Variants in GALNT1 observed in about 807,000 individuals in gnomAD.
GALNT1 encodes GalNAc transferase 1.
GALNT1 carries 17 observed loss-of-function variants against 65.7 expected under a neutral mutation model. That is an observed-to-expected ratio of 0.26 (90% CI 0.18 to 0.39). The LOEUF is 0.39. Ranked by LOEUF, GALNT1 falls within the 10% of genes least tolerant of loss-of-function variation. GALNT1 has a pLI of 1.00. For missense variants in GALNT1, 460 were observed against 672.8 expected, an observed-to-expected ratio of 0.68 and a Z score of 3.50; for synonymous variants, 210 against 219.7, an observed-to-expected ratio of 0.96 and a Z score of 0.39.
At chr18:35,681,735 A>G (rs1407092959) in intron 4 of GALNT1, among the ~76,000 whole-genome samples, 5 of 152,048 alleles carry the variant, frequency 3.3e-5, no homozygotes, top group African/African-American at 1.2e-4. Flanking sequence ...TTTGTGCTTG[A>G]TCAGGTGCTT....
At chr18:35,603,472 A>T (rs2046607001) in intron 1 of GALNT1, among the ~76,000 whole-genome samples, 1 of 152,170 alleles carries the variant, frequency 6.6e-6, no homozygotes, top group Non-Finnish European at 1.5e-5. Context: ...AGAGGAGGGT[A>T]AAGCCAGATT....
At chr18:35,637,428 A>G (rs889023138) in intron 1 of GALNT1, among the ~76,000 whole-genome samples, 4 of 152,190 alleles carry the variant, frequency 2.6e-5, no homozygotes, top group Non-Finnish European at 5.9e-5. Context: ...TGCTGACAAG[A>G]CAGTTTTAGT....
intron 1 of GALNT1, among the ~76,000 whole-genome samples, chr18:35,627,009 G>A (rs781610932): frequency 2.6e-5 from 4 of 152,226 alleles, no homozygotes; most frequent in African/African-American, 4.8e-5. Flanking sequence ...GGAATAGGTG[G>A]CCTAGCAGAG....
intron 1 of GALNT1, among the ~76,000 whole-genome samples, chr18:35,613,204 T>TA (rs1240314255): frequency 1.3e-5 from 2 of 152,336 alleles, no homozygotes; most frequent in East Asian, 3.9e-4. Flanking sequence ...AGTTTACTGA[T>TA]ACGTACTGAG....
chr18:35,617,146 CTT>C (rs1405867811), intron 1 of GALNT1, among the ~76,000 whole-genome samples: 1 of 152,006 alleles, frequency 6.6e-6, no homozygotes, highest in African/African-American at 2.4e-5. Flanking sequence ...TCTCTAGACT[CTT>C]CTCTCACACC....
Position 35,667,293 on chromosome 18 carries a change from C to T in GALNT1, c.314+3491C>T, listed in dbSNP as rs546153096. ...TGTGATCATTTGCTCTGGGATAAGCCCCTGGACACAATAGGTGCAGCCCTA... is the reference window on the plus strand; with the variant it reads ...TGTGATCATTTGCTCTGGGATAAGCTCCTGGACACAATAGGTGCAGCCCTA... On this transcript the variant is annotated intron_variant, in intron 3 of 11. Coordinates refer to ENST00000269195, the MANE Select transcript of GALNT1 (RefSeq NM_020474.4). Among the ~76,000 whole-genome samples, 34 of 152,116 alleles carry T rather than the reference C, an allele frequency of 2.2e-4. No individual in the cohort carries two copies. The East Asian group carries it at 4.3e-3, about 19-fold the overall frequency.
intron 9 of GALNT1, 33 bp from the exon 10 acceptor site, chr18:35,702,864 C>T (rs746085789): frequency 9.0e-6 from 13 of 1,438,574 alleles, no homozygotes; most frequent in Non-Finnish European, 1.3e-5. Context: ...ACTTCTCCAA[C>T]TCCTGATATT....
At position 35,633,074 on chromosome 18, in the gene GALNT1, G is replaced by A. The variant is rs183492976; in HGVS notation, c.-103-21486G>A. On this transcript the variant is annotated intron_variant, in intron 1 of 11. Coordinates refer to ENST00000269195, the MANE Select transcript of GALNT1 (RefSeq NM_020474.4). ...TGCTGGAGAGGTTGTGGAGAAATAG[G>A]AACACTTTTACACTGCTGGTGGGAC... Among the ~76,000 whole-genome samples, 913 of 152,268 alleles carry A rather than the reference G, an allele frequency of 6.0e-3. 9 individuals carry two copies. Among genetic ancestry groups the A allele is most frequent in the African/African-American group, 0.021 (858 of 41,542 alleles).
At chr18:35,616,318 T>C (rs2046782971) in intron 1 of GALNT1, among the ~76,000 whole-genome samples, 1 of 152,148 alleles carries the variant, frequency 6.6e-6, no homozygotes, top group African/African-American at 2.4e-5. Context: ...CTTTTTAAAG[T>C]GTCAGTTTTC....
chr18:35,702,827 ATGTG>A (rs780426719), intron 9 of GALNT1, 66 bp from the exon 10 acceptor site: 529 of 992,568 alleles, frequency 5.3e-4, no homozygotes, highest in Non-Finnish European at 7.5e-4. Context: ...TTTAGTGTAT[ATGTG>A]TGTGTATCTG....
At chr18:35,588,557 T>C (rs1004142663) in intron 1 of GALNT1, among the ~76,000 whole-genome samples, 1 of 151,920 alleles carries the variant, frequency 6.6e-6, no homozygotes, top group Non-Finnish European at 1.5e-5. Context: ...CTTTCAAGAC[T>C]CTGATGACTG....
At chr18:35,639,624 A>G (rs575436744) in intron 1 of GALNT1, among the ~76,000 whole-genome samples, 65 of 152,274 alleles carry the variant, frequency 4.3e-4, no homozygotes, top group African/African-American at 1.4e-3. Context: ...GGTGCTATGC[A>G]TTTATTTTAG....
intron 4 of GALNT1, 122 bp downstream of exon 4, chr18:35,677,879 G>T: frequency 1.4e-6 from 1 of 702,346 alleles, no homozygotes. Flanking sequence ...CCAAAAATAT[G>T]GCATTTGGAT....
chr18:35,641,679 C>A (rs996514365), intron 1 of GALNT1, among the ~76,000 whole-genome samples: 1 of 152,110 alleles, frequency 6.6e-6, no homozygotes, highest in African/African-American at 2.4e-5. Flanking sequence ...AAATGTCTGA[C>A]AGTAATAAGT....
intron 1 of GALNT1, among the ~76,000 whole-genome samples, chr18:35,598,797 A>T (rs1462292942): frequency 6.6e-6 from 1 of 152,062 alleles, no homozygotes; most frequent in Non-Finnish European, 1.5e-5. Flanking sequence ...GTTTTTTAGG[A>T]ACCTCCATGC....
intron 1 of GALNT1, among the ~76,000 whole-genome samples, chr18:35,589,751 T>C (rs1176351998): frequency 6.6e-6 from 1 of 152,232 alleles, no homozygotes; most frequent in East Asian, 1.9e-4. Context: ...CTTCCTGGAA[T>C]TGAATATCCC....
intron 11 of GALNT1, among the ~76,000 whole-genome samples, 182 bp from the exon 12 acceptor site, chr18:35,709,436 TTCTCTC>T (rs58566456): frequency 2.8e-4 from 42 of 148,494 alleles, no homozygotes; most frequent in Non-Finnish European, 4.3e-4. Context: ...ATCTACCTAC[TTCTCTC>T]TCTCTCTCTC....
Position 35,581,857 on chromosome 18 carries a change from A to C in GALNT1, c.-109A>C. 3.5e-5 allele frequency: 1 copy of C among 28,412 alleles called. No homozygotes were observed. Among genetic ancestry groups the C allele is most frequent in the Non-Finnish European group, 6.8e-5 (1 of 14,786 alleles). 1.8% of individuals were successfully genotyped at this position (28,412 alleles called of 1,614,324 possible). On this transcript the variant is annotated 5_prime_UTR_variant, in exon 1 of 12. Transcript: ENST00000269195. ...CTGCCGCCGCCGCCGCCGCGCGCCT[A>C]GCGAGGTGAGTGTATCGCCCGCGGC...
intron 1 of GALNT1, among the ~76,000 whole-genome samples, chr18:35,615,308 A>G (rs1299629674): frequency 6.6e-6 from 1 of 152,234 alleles, no homozygotes; most frequent in Non-Finnish European, 1.5e-5. Context: ...TGGAAAGCTA[A>G]TACATGACAG....
Sources: gnomAD v4.1 joint callset for allele counts (sites outside exome capture counted in the v4.1 genomes callset) on GRCh38, gnomAD v4.1.1 for gene constraint, MANE v1.5 for transcripts, NCBI Gene and HGNC (gene_info 2026-07-23, HGNC 2026-07-21) for gene names.